Variants in CD38 observed in about 807,000 individuals in gnomAD.
CD38 encodes the protein CD38 molecule.
Under a neutral mutation model 36.3 loss-of-function variants are expected in CD38, and 31 were observed. The observed-to-expected ratio is 0.85, with a 90% confidence interval of 0.64 to 1.15. CD38 has a LOEUF of 1.15. CD38 is among the 50% of genes most tolerant of loss of function. The probability of loss-of-function intolerance (pLI) is 0.00; values close to 1 mark genes in which losing one functional copy is unlikely to be tolerated. For missense variants in CD38, 380 were observed against 371.9 expected (o/e 1.02, Z -0.18); for synonymous variants, 131 against 135.2 (o/e 0.97, Z 0.22).
intron 1 of CD38, among the ~76,000 whole-genome samples, chr4:15,789,956 G>A (rs989326261): frequency 2.0e-5 from 3 of 152,126 alleles, no homozygotes; most frequent in Non-Finnish European, 2.9e-5. Context: ...ATAAGCAACA[G>A]AAAATGACTA....
chr4:15,789,335 T>C (rs566745855), intron 1 of CD38, among the ~76,000 whole-genome samples: 2 of 152,028 alleles, frequency 1.3e-5, no homozygotes, highest in East Asian at 1.9e-4. Flanking sequence ...TGGCAGATGG[T>C]GGAAAGTATT....
chr4:15,824,702 T>A (rs986914833), intron 2 of CD38, among the ~76,000 whole-genome samples, 179 bp from the exon 3 acceptor site: 26 of 151,134 alleles, frequency 1.7e-4, no homozygotes, highest in Admixed American at 1.4e-3. Context: ...ACACACACAC[T>A]CTCTCTCCGC....
In CD38 at chr4:15,797,871, T is replaced by G. The variant is rs182783665; in HGVS notation, c.234-18640T>G. On this transcript the variant is annotated intron_variant, in intron 1 of 7. Transcript: ENST00000226279. ...GGGATTAGGGCTTACCCTAATGATC[T>G]CATCTTAACTTGATCATCTGTAAAA... 2.3e-3 allele frequency among the ~76,000 whole-genome samples: 344 copies of G among 152,246 alleles called. 1 individual carries two copies. The highest frequency in any genetic ancestry group is 8.0e-3 in the African/African-American group (332 of 41,560).
At chr4:15,839,789 A>G (rs894135914) in intron 5 of CD38, among the ~76,000 whole-genome samples, 1 of 152,144 alleles carries the variant, frequency 6.6e-6, no homozygotes, top group Admixed American at 6.5e-5. Context: ...CCACTCTTCA[A>G]ATAGCAAATA....
At chr4:15,841,446 T>G (rs1724203730) in intron 7 of CD38, among the ~76,000 whole-genome samples, 1 of 152,218 alleles carries the variant, frequency 6.6e-6, no homozygotes, top group African/African-American at 2.4e-5. Context: ...GTCACCTTGC[T>G]TCTATCTGGA....
intron 1 of CD38, among the ~76,000 whole-genome samples, chr4:15,788,351 C>T (rs1205708935): frequency 6.6e-6 from 1 of 152,174 alleles, no homozygotes; most frequent in Non-Finnish European, 1.5e-5. Context: ...GCATTAGAAA[C>T]ATGTTGTTTG....
At chr4:15,840,192 G>A (rs1293018703) in intron 6 of CD38, 74 bp downstream of exon 6, 20 of 1,054,680 alleles carry the variant, frequency 1.9e-5, no homozygotes, top group South Asian at 7.6e-5. Context: ...TCACAAGCAC[G>A]CACTGGGAAC....
intron 3 of CD38, among the ~76,000 whole-genome samples, chr4:15,827,000 A>T (rs1723865431): frequency 6.6e-6 from 1 of 152,160 alleles, no homozygotes; most frequent in Non-Finnish European, 1.5e-5. Flanking sequence ...AATTAGTAGA[A>T]GTTCTTTATA....
chr4:15,812,088 C>T (rs559574097), intron 1 of CD38, among the ~76,000 whole-genome samples: 13 of 152,142 alleles, frequency 8.5e-5, no homozygotes, highest in Admixed American at 2.0e-4. Flanking sequence ...AACTTTTTGA[C>T]TTTGTGCCTG....
chr4:15,824,523 G>A (rs1042838988), intron 2 of CD38, among the ~76,000 whole-genome samples: 10 of 152,048 alleles, frequency 6.6e-5, no homozygotes, highest in South Asian at 2.1e-4. Context: ...AAAATAGCAC[G>A]TAGACAAAGT....
Position 15,797,974 on chromosome 4 carries a change from T to C in CD38, c.234-18537T>C, listed in dbSNP as rs527463575. Among the ~76,000 whole-genome samples the C allele has an allele frequency of 3.9e-5, 6 of 152,294 alleles. No individual in the cohort carries two copies. In the South Asian group the frequency reaches 1.2e-3, roughly 32 times the overall value. ...CATCGTTTGGGGGGGTAAAATTCAA[T>C]CAATAACAACAGGTATACCAGTTAA... On this transcript the variant is annotated intron_variant, in intron 1 of 7. Transcript: ENST00000226279.
In CD38 at chr4:15,778,511, CT is replaced by C. The variant is rs773973916; in HGVS notation, c.98del (p.Leu33ArgfsTer45). On this transcript the variant is annotated frameshift_variant, in exon 1 of 8. Coordinates refer to ENST00000226279, the MANE Select transcript of CD38 (RefSeq NM_001775.4). LOFTEE classifies it high-confidence loss of function. This position sits in a 1 kb window ranked among gnomAD's most constrained non-coding sequence, Gnocchi z 4.9. Reference sequence around the variant, plus strand: ...CTGTCTTGGCGTCAGTATCCTGGTCCTGATCCTCGTCGTGGTGCTCGCGGTG... The same window carrying C: ...CTGTCTTGGCGTCAGTATCCTGGTCCGATCCTCGTCGTGGTGCTCGCGGTG... ...QLCLGVSILVLILVVVLAVVV... is the reference protein window; with the variant it reads ...QLCLGVSILVXILVVVLAVVV... 1.4e-5 allele frequency: 23 copies of C among 1,613,854 alleles called. No individual in the cohort carries two copies. The African/African-American group carries it at 2.5e-4, about 18-fold the overall frequency.
Position 15,849,947 on chromosome 4 carries a change from T to G in CD38, c.*1345T>G, listed in dbSNP as rs1000733917. ...CTTTATTATCCTTCAGTTAAAAATA[T>G]CTTTCAATTCATTGTTATATAAAAA... is the stretch of plus-strand genomic sequence containing the variant. On this transcript the variant is annotated 3_prime_UTR_variant, in exon 8 of 8. Coordinates refer to ENST00000226279, the MANE Select transcript of CD38 (RefSeq NM_001775.4). 6.6e-6 allele frequency: 1 copy of G among 152,204 alleles called. No homozygotes were observed. Among genetic ancestry groups the G allele is most frequent in the Non-Finnish European group, 1.5e-5 (1 of 68,028 alleles). 9.4% of individuals were successfully genotyped at this position (152,204 alleles called of 1,614,324 possible). A position where few individuals can be genotyped will look rare whatever the true frequency, so the allele number is the denominator to read the frequency against.
intron 1 of CD38, among the ~76,000 whole-genome samples, chr4:15,810,454 G>C (rs1290436682): frequency 1.3e-5 from 2 of 152,148 alleles, no homozygotes; most frequent in Non-Finnish European, 2.9e-5. Context: ...TTTTACAAGG[G>C]AGTTGGAGTA....
intron 1 of CD38, among the ~76,000 whole-genome samples, chr4:15,801,705 A>G (rs1249768815): frequency 6.6e-6 from 1 of 152,156 alleles, no homozygotes; most frequent in Non-Finnish European, 1.5e-5. Flanking sequence ...TATGATCACC[A>G]CAATAGATGC....
chr4:15,837,852 G>A (rs974016031), intron 4 of CD38, among the ~76,000 whole-genome samples: 4 of 152,142 alleles, frequency 2.6e-5, no homozygotes, highest in Admixed American at 6.5e-5. Flanking sequence ...CCAGCTCTAT[G>A]AACTATAACA....
chr4:15,829,599 G>A (rs758963230), intron 3 of CD38, among the ~76,000 whole-genome samples: 2 of 152,120 alleles, frequency 1.3e-5, no homozygotes, highest in Admixed American at 6.6e-5. Flanking sequence ...TGAGACCCAT[G>A]GGCCATGGGT....
intron 1 of CD38, among the ~76,000 whole-genome samples, chr4:15,790,905 GC>G (rs1722962648): frequency 2.0e-5 from 3 of 149,426 alleles, no homozygotes; most frequent in East Asian, 4.0e-4. Context: ...CTGCCCGGCC[GC>G]CCCGTCTGAG....
chr4:15,831,427 T>G (rs1332619754), intron 3 of CD38, among the ~76,000 whole-genome samples: 2 of 152,186 alleles, frequency 1.3e-5, no homozygotes, highest in Admixed American at 1.3e-4. Context: ...TCTTTCTAAT[T>G]GAAGTACTCC....
Sources: gnomAD v4.1 joint callset for allele counts (sites outside exome capture counted in the v4.1 genomes callset) on GRCh38, gnomAD v4.1.1 for gene constraint, Gnocchi (gnomAD v3.1) non-coding constraint, MANE v1.5 for transcripts, NCBI Gene and HGNC (gene_info 2026-07-23, HGNC 2026-07-21) for gene names.